Variants in SGCZ observed in about 807,000 individuals in gnomAD.
SGCZ encodes sarcoglycan zeta.
SGCZ carries 40 observed loss-of-function variants against 41.3 expected under a neutral mutation model. That is an observed-to-expected ratio of 0.97 (90% CI 0.75 to 1.26). The LOEUF (loss-of-function observed/expected upper bound fraction) is 1.26, where lower values mean the gene tolerates loss of function less well. SGCZ is among the 50% of genes most tolerant of loss of function. The pLI, the probability that SGCZ is intolerant of heterozygous loss-of-function variation, is 0.00. For missense variants in SGCZ, 552 were observed against 369.8 expected (o/e 1.49, Z -4.04); for synonymous variants, 206 against 137.5 (o/e 1.50, Z -3.49).
chr8:14,359,307 A>C (rs1803417846), intron 2 of SGCZ, among the ~76,000 whole-genome samples: 1 of 152,184 alleles, frequency 6.6e-6, no homozygotes, highest in African/African-American at 2.4e-5. Flanking sequence ...CTGTGTTCAC[A>C]TTGAGTACAC....
chr8:14,615,021 T>C (rs1238849402), intron 1 of SGCZ, among the ~76,000 whole-genome samples: 1 of 152,220 alleles, frequency 6.6e-6, no homozygotes, highest in African/African-American at 2.4e-5. Context: ...TGTATATATA[T>C]ATATGAAAGC....
Position 15,036,278 on chromosome 8 carries a change from G to C in SGCZ, c.39+201307C>G, listed in dbSNP as rs1259492881. ...TTCTTAGACACATACAACCTACCAA[G>C]AATGATTTAAAAATTAAAAATCTGA... On this transcript the variant is annotated intron_variant, in intron 1 of 7. Coordinates refer to ENST00000382080, the MANE Select transcript of SGCZ (RefSeq NM_139167.4). Among the ~76,000 whole-genome samples, 3 of 151,890 alleles carry C rather than the reference G, an allele frequency of 2.0e-5. No homozygotes were observed. The East Asian group carries it at 5.8e-4, about 29-fold the overall frequency.
chr8:14,246,000 G>C (rs1269762483), intron 3 of SGCZ, among the ~76,000 whole-genome samples: 1 of 152,148 alleles, frequency 6.6e-6, no homozygotes, highest in African/African-American at 2.4e-5. Context: ...CTGTTGGTGG[G>C]ACTGTAAACT....
At chr8:14,523,971 G>C (rs1802865000) in intron 2 of SGCZ, among the ~76,000 whole-genome samples, 1 of 151,910 alleles carries the variant, frequency 6.6e-6, no homozygotes, top group Admixed American at 6.6e-5. Flanking sequence ...CTATCTTTGA[G>C]TTTACTGATA....
rs1016617215 is a variant in SGCZ at position 14,823,517 on chromosome 8, G to A, written c.40-268591C>T. Among the ~76,000 whole-genome samples, 11 of 152,160 alleles carry A rather than the reference G, an allele frequency of 7.2e-5. No individual in the cohort carries two copies. The East Asian group carries it at 7.7e-4, about 11-fold the overall frequency. ...AATCGTCAAGCAACTACAACTTAAA[G>A]TTACAATAAATACCACCTCTTTCCA... On this transcript the variant is annotated intron_variant, in intron 1 of 7. Transcript: ENST00000382080.
In SGCZ at chr8:14,547,170, T is replaced by C. The variant is rs143591941; in HGVS notation, c.234+7562A>G. Among the ~76,000 whole-genome samples, 1,101 of 152,282 alleles carry C rather than the reference T, an allele frequency of 7.2e-3. 16 individuals carry two copies. The highest frequency in any genetic ancestry group is 0.025 in the African/African-American group (1,033 of 41,562). On this transcript the variant is annotated intron_variant, in intron 2 of 7. Coordinates refer to ENST00000382080, the MANE Select transcript of SGCZ (RefSeq NM_139167.4). ...TCTTAATCAGGTAATAATTTGACAC[T>C]CTGTTCATTAAAGAAACTCAGCATA... is the stretch of plus-strand genomic sequence containing the variant.
In SGCZ at chr8:14,421,848, A is replaced by T. The variant is rs563322040; in HGVS notation, c.235-97644T>A. ...AATCGAAAGGAAAAATAGTTTATTT[A>T]AAGAGGAAAAAAATACTTTGAATCC... On this transcript the variant is annotated intron_variant, in intron 2 of 7. Transcript: ENST00000382080. Among the ~76,000 whole-genome samples the T allele has an allele frequency of 3.8e-4, 58 of 152,292 alleles. No homozygotes were observed. The Middle Eastern group carries it at 0.014, about 36-fold the overall frequency.
At chr8:14,528,269 T>A (rs920338391) in intron 2 of SGCZ, among the ~76,000 whole-genome samples, 3 of 152,078 alleles carry the variant, frequency 2.0e-5, no homozygotes, top group African/African-American at 4.8e-5. Flanking sequence ...TTTTTGACAA[T>A]GACAAAGTTA....
At chr8:14,982,659 C>T (rs1180024026) in intron 1 of SGCZ, among the ~76,000 whole-genome samples, 2 of 152,148 alleles carry the variant, frequency 1.3e-5, no homozygotes, top group Admixed American at 6.6e-5. Context: ...CTAGGTAAAG[C>T]GTTAAGTGCA....
chr8:14,985,453 T>G (rs1033735395), intron 1 of SGCZ, among the ~76,000 whole-genome samples: 3 of 152,120 alleles, frequency 2.0e-5, no homozygotes, highest in Non-Finnish European at 2.9e-5. Context: ...AACTTTCCAC[T>G]AAGAGGCAGA....
At chr8:14,988,637 T>TA (rs571460132) in intron 1 of SGCZ, among the ~76,000 whole-genome samples, 18 of 151,278 alleles carry the variant, frequency 1.2e-4, no homozygotes, top group Middle Eastern at 3.4e-3. Flanking sequence ...TACAACATAT[T>TA]AAAAAAAAAC....
intron 3 of SGCZ, among the ~76,000 whole-genome samples, chr8:14,289,455 C>T (rs1278569170): frequency 1.3e-5 from 2 of 151,962 alleles, no homozygotes; most frequent in Non-Finnish European, 2.9e-5. Context: ...CAATATAGTG[C>T]AGGCAATGGT....
rs1801498897 is a variant in SGCZ at position 14,085,513 on chromosome 8, T to C, written c.*4930A>G. Among the ~76,000 whole-genome samples, 1 of 151,762 alleles carries C rather than the reference T, an allele frequency of 6.6e-6. No individual in the cohort carries two copies. The highest frequency in any genetic ancestry group is 2.4e-5 in the African/African-American group (1 of 41,416). On this transcript the variant is annotated 3_prime_UTR_variant, in exon 8 of 8. Transcript: ENST00000382080. Reference sequence around the variant, plus strand: ...GTTCATTATATCTCATTTCCTTTAATGGTTTTCATTGGCTTTCTCAAAATG... The same window carrying C: ...GTTCATTATATCTCATTTCCTTTAACGGTTTTCATTGGCTTTCTCAAAATG...
At chr8:14,116,369 G>C (rs1802522954) in intron 5 of SGCZ, among the ~76,000 whole-genome samples, 1 of 152,028 alleles carries the variant, frequency 6.6e-6, no homozygotes, top group Non-Finnish European at 1.5e-5. Flanking sequence ...ATATCTAAGA[G>C]ACTTTAAAAC....
At chr8:14,922,501 C>T (rs759249723) in intron 1 of SGCZ, among the ~76,000 whole-genome samples, 4 of 152,002 alleles carry the variant, frequency 2.6e-5, no homozygotes, top group Non-Finnish European at 5.9e-5. Context: ...GTTGCCCAGG[C>T]TGGAGTGCAA....
In SGCZ at chr8:14,109,768, A is replaced by G. The variant is rs190254445; in HGVS notation, c.548-1533T>C. On this transcript the variant is annotated intron_variant, in intron 5 of 7. Transcript: ENST00000382080. ...TAATATAGCAATACAGACCTTGATC[A>G]TGAATAGAACAGGAAGAGATTTTTT... Among the ~76,000 whole-genome samples, 362 of 152,308 alleles carry G rather than the reference A, an allele frequency of 2.4e-3. 1 individual carries two copies. Among genetic ancestry groups the G allele is most frequent in the African/African-American group, 8.1e-3 (337 of 41,588 alleles).
At chr8:14,104,407 A>G (rs1451671559) in intron 6 of SGCZ, among the ~76,000 whole-genome samples, 3 of 137,506 alleles carry the variant, frequency 2.2e-5, no homozygotes, top group Non-Finnish European at 4.8e-5. Flanking sequence ...ACAGTTTTTA[A>G]GGTGTTATGC....
chr8:14,529,959 A>G (rs1416971992), intron 2 of SGCZ, among the ~76,000 whole-genome samples: 1 of 152,168 alleles, frequency 6.6e-6, no homozygotes, highest in Non-Finnish European at 1.5e-5. Context: ...AAATTACTTT[A>G]TACATTAAGA....
At chr8:14,555,018 A>G in intron 1 of SGCZ, 92 bp from the exon 2 acceptor site, 3 of 1,165,206 alleles carry the variant, frequency 2.6e-6, no homozygotes, top group Non-Finnish European at 3.6e-6. Context: ...CAAAAGAACA[A>G]TGTACGTTAA....
Sources: allele counts gnomAD v4.1 joint callset (sites outside exome capture counted in the v4.1 genomes callset), GRCh38; gene constraint gnomAD v4.1.1; transcripts MANE v1.5; gene names NCBI Gene and HGNC (gene_info 2026-07-23, HGNC 2026-07-21).